HAS1: variants seen among roughly 807,000 people sequenced by gnomAD.
HAS1 encodes hyaluronan synthase 1, also known as HA synthase 1.
HAS1 carries 27 observed loss-of-function variants against 35.0 expected under a neutral mutation model. The observed-to-expected ratio is 0.77, with a 90% CI of 0.57 to 1.06. The LOEUF (loss-of-function observed/expected upper bound fraction) is 1.06. Ranked by LOEUF, HAS1 falls within the 50% of genes least tolerant of loss-of-function variation. The pLI is 0.00. For synonymous variants in HAS1, 409 were observed against 371.2 expected (o/e 1.10, Z -1.17); for missense variants, 940 against 814.8 (o/e 1.15, Z -1.87).
Position 51,713,716 on chromosome 19 carries a change from A to C in HAS1, c.1445T>G (p.Met482Arg). 6.2e-7 allele frequency: 1 copy of C among 1,606,676 alleles called. No homozygotes were observed. Among genetic ancestry groups the C allele is most frequent in the Non-Finnish European group, 8.5e-7 (1 of 1,176,966 alleles). The change falls in exon 5 of 5, where the codon ATG becomes AGG. Residue 482 changes from methionine (M) to arginine (R), a missense_variant. Transcript: ENST00000540069. The surrounding 1 kb of genome is among the most constrained non-coding windows in gnomAD (Gnocchi z 4.5). ...LPAKFLALVTMNQSGWGTSGR... is the reference protein window; with the variant it reads ...LPAKFLALVTRNQSGWGTSGR... The stretch of plus-strand genomic sequence containing the variant: ...CGAGGTGCCCCAGCCACTCTGGTTC[A>C]TGGTGACTAGCGCCAGGAACTTGGC...
rs1429191691 is a variant in HAS1 at position 51,713,619 on chromosome 19, C to T, written c.1542G>A (p.Gly514=). 2 of 1,560,640 alleles carry T rather than the reference C, an allele frequency of 1.3e-6. No homozygotes were observed. The highest frequency in any genetic ancestry group is 1.7e-6 in the Non-Finnish European group (2 of 1,152,692). ...CGTGTGCTACGCTGCGGACCAGGCC[C>T]CCAAGCAGCAGCAGCGCCCAGAGCG... ...PLALWALLLL[G]GLVRSVAHEA... is the part of the protein sequence containing the mutation. The change falls in exon 5 of 5, where the codon GGG becomes GGA. Residue 514 remains glycine (G), a synonymous_variant. Transcript: ENST00000540069. This position sits in a 1 kb window ranked among gnomAD's most constrained non-coding sequence, Gnocchi z 4.5.
In HAS1 at chr19:51,719,414, T is replaced by C. The variant is rs765437667; in HGVS notation, c.491A>G (p.Asn164Ser). 3 of 1,563,436 alleles carry C rather than the reference T, an allele frequency of 1.9e-6. No homozygotes were observed. Among genetic ancestry groups the C allele is most frequent in the South Asian group, 2.3e-5 (2 of 86,222 alleles). Residue 164 changes from asparagine to serine, a missense_variant, in exon 2 of 5, where the codon AAC becomes AGC. Physicochemically the swap from Asn to Ser is conservative, Grantham distance 46 (BLOSUM62 1). Transcript: ENST00000540069. ...CGCGGGTTCCCAGGGCTGGTGGTAG[T>C]TGCCGTCCCACACGTACGTGGCGGG... ...EDPATYVWDG[N>S]YHQPWEPAAA...
intron 1 of HAS1, 41 bp downstream of exon 1, chr19:51,723,884 T>TACACACAAACACACACACACAC: frequency 9.4e-7 from 1 of 1,062,618 alleles, no homozygotes; most frequent in East Asian, 3.7e-5. Context: ...CATGGCTGTA[T>TACACACAAACACACACACACAC]ACACACACAC....
chr19:51,719,522 C>T lies in HAS1; in HGVS notation c.383G>A (p.Arg128His), dbSNP rs1274331016. 3 of 1,548,842 alleles carry T rather than the reference C, an allele frequency of 1.9e-6. No individual in the cohort carries two copies. Among genetic ancestry groups the T allele is most frequent in the Non-Finnish European group, 2.6e-6 (3 of 1,146,134 alleles). ...RALLYPRARL[R>H]VLMVVDGNRA... ...GTTGCCATCCACCACCATGAGGACG[C>T]GCAGCCGCGCGCGCGGGTACAGCAG... Residue 128 changes from arginine (R) to histidine (H), a missense_variant, in exon 2 of 5, where the codon CGC becomes CAC. Coordinates refer to ENST00000540069, the MANE Select transcript of HAS1 (RefSeq NM_001297436.2).
chr19:51,720,160 T>A (rs888740410), intron 1 of HAS1, among the ~76,000 whole-genome samples: 11 of 150,132 alleles, frequency 7.3e-5, no homozygotes, highest in Non-Finnish European at 1.6e-4. Flanking sequence ...AGGGTCTCAC[T>A]CCAGCCTAGT....
chr19:51,718,355 C>A (rs1008632186), intron 2 of HAS1, among the ~76,000 whole-genome samples: 55 of 151,448 alleles, frequency 3.6e-4, no homozygotes, highest in African/African-American at 1.1e-3. Flanking sequence ...AGAATCTCAA[C>A]ACTGAAGGAG....
At chr19:51,715,879 A>G (rs2083582828) in intron 4 of HAS1, among the ~76,000 whole-genome samples, 1 of 151,876 alleles carries the variant, frequency 6.6e-6, no homozygotes, top group African/African-American at 2.4e-5. Context: ...TGCCCTTCCT[A>G]CTTCACTCCC....
Position 51,713,844 on chromosome 19 carries a change from G to A in HAS1, c.1317C>T (p.Gly439=). 1 of 1,607,050 alleles carries A rather than the reference G, an allele frequency of 6.2e-7. No homozygotes were observed. The highest frequency in any genetic ancestry group is 8.5e-7 in the Non-Finnish European group (1 of 1,179,232). The change falls in exon 5 of 5, where the codon GGC becomes GGT. Residue 439 remains glycine, a synonymous_variant. Coordinates refer to ENST00000540069, the MANE Select transcript of HAS1 (RefSeq NM_001297436.2). This position sits in a 1 kb window ranked among gnomAD's most constrained non-coding sequence, Gnocchi z 4.5. ...ALLWVLLCVQ[G]VALAKAAFAA... ...CGAAGGCCGCCTTGGCCAGTGCCAC[G>A]CCCTGCACGCACAGCAGCACCCACA...
rs1314281506 is a variant in HAS1, at chr19:51,713,631, C to G, written c.1530G>C (p.Leu510=). The part of the protein sequence containing the change: ...VPLLPLALWA[L]LLLGGLVRSV... ...TGCGGACCAGGCCCCCAAGCAGCAG[C>G]AGCGCCCAGAGCGCCAGGGGCAGCA... Residue 510 remains leucine, a synonymous_variant, in exon 5 of 5, where the codon CTG becomes CTC. Transcript: ENST00000540069. The surrounding 1 kb of genome is among the most constrained non-coding windows in gnomAD (Gnocchi z 4.5). 6.4e-7 allele frequency: 1 copy of G among 1,563,514 alleles called. No individual in the cohort carries two copies. Among genetic ancestry groups the G allele is most frequent in the South Asian group, 1.2e-5 (1 of 86,188 alleles).
At position 51,719,824 on chromosome 19, in the gene HAS1, G is replaced by A. The variant is rs1375310465; in HGVS notation, c.81C>T (p.Phe27=). The A allele has an allele frequency of 7.1e-6, 11 of 1,554,852 alleles. No individual in the cohort carries two copies. In the Middle Eastern group the frequency reaches 1.0e-3, roughly 144 times the overall value. ...TCATGAGGCCCAGGATGAGCAGGGC[G>A]AAGGCGATGGTCAGCACCCTCCGGG... is the stretch of plus-strand genomic sequence containing the variant. ...GLARRVLTIA[F]ALLILGLMTW... is the part of the protein sequence containing the mutation. The change falls in exon 2 of 5, where the codon TTC becomes TTT. Residue 27 remains phenylalanine (F), a synonymous_variant. Coordinates refer to ENST00000540069, the MANE Select transcript of HAS1 (RefSeq NM_001297436.2).
rs1361739783 is a variant in HAS1, at chr19:51,713,953, T to C, written c.1208A>G (p.Glu403Gly). Residue 403 changes from glutamate (E) to glycine (G), a missense_variant, in exon 5 of 5, where the codon GAG (glutamate) becomes GGG (glycine). Transcript: ENST00000540069. The surrounding 1 kb of genome is among the most constrained non-coding windows in gnomAD (Gnocchi z 4.5). Reference sequence around the variant, plus strand: ...GGGGAACAGGCCGGAGACCACCGCCTCGTAGGTCATCCACGCATGGTGCCG... The same window carrying C: ...GGGGAACAGGCCGGAGACCACCGCCCCGTAGGTCATCCACGCATGGTGCCG... ...WHRHHAWMTY[E>G]AVVSGLFPFF... 1.4e-5 allele frequency: 23 copies of C among 1,611,764 alleles called. No individual in the cohort carries two copies. The highest frequency in any genetic ancestry group is 1.6e-5 in the Non-Finnish European group (19 of 1,180,014).
intron 2 of HAS1, 25 bp from the exon 3 acceptor site, chr19:51,717,218 C>T: frequency 6.8e-7 from 1 of 1,474,676 alleles, no homozygotes; most frequent in Non-Finnish European, 9.4e-7. Flanking sequence ...GGGCCAGGAT[C>T]AGCACAGACC....
At position 51,713,832 on chromosome 19, in the gene HAS1, G is replaced by C. The variant is rs776016880; in HGVS notation, c.1329C>G (p.Ala443=). The C allele has an allele frequency of 1.4e-5, 22 of 1,607,186 alleles. No individual in the cohort carries two copies. The highest frequency in any genetic ancestry group is 1.7e-5 in the Non-Finnish European group (20 of 1,178,810). ...VLLCVQGVAL[A]KAAFAAWLRG... ...GCAGCCAGGCCGCGAAGGCCGCCTT[G>C]GCCAGTGCCACGCCCTGCACGCACA... is the stretch of plus-strand genomic sequence containing the variant. Residue 443 remains alanine, a synonymous_variant, in exon 5 of 5, where the codon GCC becomes GCG. Transcript: ENST00000540069. This position sits in a 1 kb window ranked among gnomAD's most constrained non-coding sequence, Gnocchi z 4.5.
Position 51,719,280 on chromosome 19 carries a change from GCGCCACGCACACGCAC to G in HAS1, c.609_624del (p.Arg203SerfsTer52). The G allele has an allele frequency of 1.9e-6, 3 of 1,611,558 alleles. No homozygotes were observed. In the South Asian group the frequency reaches 3.3e-5, roughly 18 times the overall value. ...ACCTCGCGCTTGCCGCCCCAGCGCT[GCGCCACGCACACGCAC>G]CTGCGAGTCCTCACCAGCGCCTCCA... On this transcript the variant is annotated frameshift_variant, in exon 2 of 5. Coordinates refer to ENST00000540069, the MANE Select transcript of HAS1 (RefSeq NM_001297436.2). LOFTEE classifies it high-confidence loss of function.
chr19:51,719,799 T>C lies in HAS1; in HGVS notation c.106A>G (p.Thr36Ala), dbSNP rs2122268249. 1 of 1,559,854 alleles carries C rather than the reference T, an allele frequency of 6.4e-7. No individual in the cohort carries two copies. Among genetic ancestry groups the C allele is most frequent in the Non-Finnish European group, 8.7e-7 (1 of 1,155,796 alleles). ...AFALLILGLM[T>A]WAYAAGVPLA... is the part of the protein sequence containing the mutation. Reference sequence around the variant, plus strand: ...GGCACCCCGGCGGCGTAGGCCCAGGTCATGAGGCCCAGGATGAGCAGGGCG... The same window carrying C: ...GGCACCCCGGCGGCGTAGGCCCAGGCCATGAGGCCCAGGATGAGCAGGGCG... Residue 36 changes from threonine (T) to alanine (A), a missense_variant, in exon 2 of 5, where the codon ACC becomes GCC. Physicochemically the swap from Thr to Ala is moderately conservative, Grantham distance 58. Coordinates refer to ENST00000540069, the MANE Select transcript of HAS1 (RefSeq NM_001297436.2).
chr19:51,714,717 A>G (rs1352385514), intron 4 of HAS1, among the ~76,000 whole-genome samples: 1 of 145,960 alleles, frequency 6.9e-6, no homozygotes, highest in Non-Finnish European at 1.5e-5. Flanking sequence ...AAAGGCTCTC[A>G]TAAGACAAGG....
chr19:51,718,817 T>C (rs8099845), intron 2 of HAS1, among the ~76,000 whole-genome samples: 141,977 of 152,266 alleles, frequency 0.93, 66,310 homozygotes, highest in East Asian at 1. Context: ...GCTGGAAGGG[T>C]TTAATTTTAC....
intron 1 of HAS1, among the ~76,000 whole-genome samples, chr19:51,721,355 C>G (rs1415828065): frequency 6.6e-6 from 1 of 152,168 alleles, no homozygotes; most frequent in Non-Finnish European, 1.5e-5. Context: ...CACTGCCCAA[C>G]TCCCCAGCAG....
chr19:51,723,709 C>T (rs1282465928), intron 1 of HAS1, among the ~76,000 whole-genome samples: 1 of 152,012 alleles, frequency 6.6e-6, no homozygotes, highest in African/African-American at 2.4e-5. Context: ...TTGGGATGGC[C>T]GCTCACACAG....
Sources: allele counts gnomAD v4.1 joint callset (sites outside exome capture counted in the v4.1 genomes callset), GRCh38; gene constraint gnomAD v4.1.1; non-coding constraint Gnocchi (gnomAD v3.1); transcripts MANE v1.5; gene names NCBI Gene and HGNC (gene_info 2026-07-23, HGNC 2026-07-21).